The following UNC5C variants were observed in gnomAD, a reference collection of about 807,000 sequenced individuals.
The protein encoded by UNC5C is unc-5 netrin receptor C, also known as netrin receptor UNC5C.
UNC5C carries 47 observed loss-of-function variants against 99.8 expected under a neutral mutation model. The ratio of observed to expected loss-of-function variants is 0.47; its 90% CI spans 0.37 to 0.60. The LOEUF is 0.60. Among genes scored for constraint, UNC5C ranks in the 20% least tolerant of loss-of-function variants. The pLI is 0.00. For synonymous variants in UNC5C, 487 were observed against 452.2 expected, an observed-to-expected ratio of 1.08 and a Z score of -0.98; for missense variants, 1,062 against 1,165.9, an observed-to-expected ratio of 0.91 and a Z score of 1.30.
intron 3 of UNC5C, among the ~76,000 whole-genome samples, chr4:95,300,183 T>C (rs561459664): frequency 5.3e-5 from 8 of 152,340 alleles, no homozygotes; most frequent in Admixed American, 3.3e-4. Flanking sequence ...TTTCTCAATA[T>C]GAAACCTTGA....
chr4:95,291,161 A>G (rs1741429363), intron 3 of UNC5C, among the ~76,000 whole-genome samples: 1 of 152,224 alleles, frequency 6.6e-6, no homozygotes, highest in Non-Finnish European at 1.5e-5. Flanking sequence ...GAAAAGAGGA[A>G]GAAAAAAAAT....
chr4:95,213,514 T>G (rs921739866), intron 10 of UNC5C, among the ~76,000 whole-genome samples: 6 of 152,338 alleles, frequency 3.9e-5, no homozygotes, highest in African/African-American at 1.4e-4. Flanking sequence ...GCTGTTCAGC[T>G]GCCAGCCTGC....
chr4:95,303,299 C>A lies in UNC5C; in HGVS notation c.347-1550G>T, dbSNP rs529074122. 3.9e-5 allele frequency among the ~76,000 whole-genome samples: 6 copies of A among 152,260 alleles called. No individual in the cohort carries two copies. The East Asian group carries it at 1.2e-3, about 29-fold the overall frequency. On this transcript the variant is annotated intron_variant, in intron 2 of 15. Coordinates refer to ENST00000453304, the MANE Select transcript of UNC5C (RefSeq NM_003728.4). ...AATAGGAATCTCTGGAGGTGGGGTC[C>A]AGCAATCTGTGTTTTGACCAGCCTG...
At chr4:95,170,465 T>TAACA in intron 14 of UNC5C, 133 bp from the exon 15 acceptor site, 2 of 1,106,172 alleles carry the variant, frequency 1.8e-6, no homozygotes, top group Non-Finnish European at 2.6e-6. Flanking sequence ...TTAGGAAGAA[T>TAACA]GGCTTCTTCT....
rs1735989094 is a variant in UNC5C, at chr4:95,169,269, T to C, written c.2761A>G (p.Thr921Ala). 2 of 1,614,192 alleles carry C rather than the reference T, an allele frequency of 1.2e-6. No individual in the cohort carries two copies. Among genetic ancestry groups the C allele is most frequent in the African/African-American group, 2.7e-5 (2 of 75,044 alleles). The change falls in exon 16 of 16, where the codon ACG (threonine) becomes GCG (alanine). Residue 921 changes from threonine (T) to alanine (A), a missense_variant. Physicochemically the swap from Thr to Ala is moderately conservative, Grantham distance 58. Transcript: ENST00000453304. ...AVLEEMGRHE[T>A]VVSLAAEGQY ...CCTTCTGCTGCTAAGGACACCACCG[T>C]TTCATGTCTTCCCATTTCTTCCAAG... is the stretch of plus-strand genomic sequence containing the variant.
intron 1 of UNC5C, among the ~76,000 whole-genome samples, chr4:95,421,397 A>G (rs751016619): frequency 2.0e-5 from 3 of 152,316 alleles, no homozygotes; most frequent in Non-Finnish European, 2.9e-5. Flanking sequence ...CTATTTTTCA[A>G]CAAAATTGGA....
chr4:95,244,927 G>A, intron 6 of UNC5C, 50 bp downstream of exon 6: 1 of 1,603,394 alleles, frequency 6.2e-7, no homozygotes, highest in Non-Finnish European at 8.5e-7. Context: ...CTAAAAGCAT[G>A]TTTCTTGAAT....
intron 3 of UNC5C, among the ~76,000 whole-genome samples, chr4:95,281,598 A>G (rs1167505957): frequency 1.3e-5 from 2 of 152,210 alleles, no homozygotes; most frequent in African/African-American, 4.8e-5. Context: ...AAATAAATAT[A>G]TCATACCTTG....
At chr4:95,400,298 G>T (rs1342128448) in intron 1 of UNC5C, among the ~76,000 whole-genome samples, 6 of 151,802 alleles carry the variant, frequency 4.0e-5, no homozygotes, top group African/African-American at 1.5e-4. Flanking sequence ...GAAATGTCAA[G>T]GAGCCTGTGG....
chr4:95,207,235 A>G (rs930396597), intron 10 of UNC5C, among the ~76,000 whole-genome samples: 2 of 152,190 alleles, frequency 1.3e-5, no homozygotes, highest in African/African-American at 2.4e-5. Context: ...ATAGTTTTAA[A>G]AAATCATTTC....
rs1217103081 is a variant in UNC5C at position 95,219,998 on chromosome 4, C to T, written c.1287G>A (p.Lys429=). 1 of 1,613,652 alleles carries T rather than the reference C, an allele frequency of 6.2e-7. No individual in the cohort carries two copies. The highest frequency in any genetic ancestry group is 8.5e-7 in the Non-Finnish European group (1 of 1,179,712). ...ATGTCAACTGACCTTGTCTTGCTGC[C>T]TTGATGTTCACAGGCTGAAAGCCCC... is the stretch of plus-strand genomic sequence containing the variant. ...LNGGFQPVNI[K]AARQDLLAVP... is the part of the protein sequence containing the mutation. The change falls in exon 8 of 16, where the codon AAG becomes AAA. Residue 429 remains lysine, a synonymous_variant. Coordinates refer to ENST00000453304, the MANE Select transcript of UNC5C (RefSeq NM_003728.4).
chr4:95,320,957 C>T (rs748861265), intron 2 of UNC5C, among the ~76,000 whole-genome samples: 8 of 152,170 alleles, frequency 5.3e-5, no homozygotes, highest in Non-Finnish European at 8.8e-5. Flanking sequence ...ACTAAAAACT[C>T]TCACTGTATA....
intron 4 of UNC5C, among the ~76,000 whole-genome samples, chr4:95,270,955 G>A (rs570103612): frequency 6.6e-6 from 1 of 152,282 alleles, no homozygotes; most frequent in Non-Finnish European, 1.5e-5. Context: ...CTATAGCTAA[G>A]TCTGACCATC....
chr4:95,458,226 G>C (rs541321929), intron 1 of UNC5C, among the ~76,000 whole-genome samples: 1 of 152,094 alleles, frequency 6.6e-6, no homozygotes, highest in Non-Finnish European at 1.5e-5. Context: ...ATTGGAAAGA[G>C]TGAGTCTGTC....
At position 95,339,533 on chromosome 4, in the gene UNC5C, AT is replaced by A. The variant is rs1011318455; in HGVS notation, c.125-3903del. Reference sequence around the variant, plus strand: ...AAAACTTGGAGCTATAAAAAAATTGATTTTTTTTTCTTCAAGGACATCAGTG... The same window carrying A: ...AAAACTTGGAGCTATAAAAAAATTGATTTTTTTTCTTCAAGGACATCAGTG... On this transcript the variant is annotated intron_variant, in intron 1 of 15. Transcript: ENST00000453304. Among the ~76,000 whole-genome samples, 549 of 151,594 alleles carry A rather than the reference AT, an allele frequency of 3.6e-3. 1 individual carries two copies. Among genetic ancestry groups the A allele is most frequent in the Non-Finnish European group, 5.6e-3 (382 of 67,842 alleles).
At chr4:95,525,064 T>C (rs1578209087) in intron 1 of UNC5C, among the ~76,000 whole-genome samples, 1 of 152,062 alleles carries the variant, frequency 6.6e-6, no homozygotes. Flanking sequence ...TCCCTCCAAA[T>C]GCTCCTGTCA....
chr4:95,190,569 C>T (rs531864724), intron 12 of UNC5C, among the ~76,000 whole-genome samples: 1 of 152,282 alleles, frequency 6.6e-6, no homozygotes, highest in Admixed American at 6.5e-5. Flanking sequence ...CTTCCCACTT[C>T]AGCTTCCCAA....
Position 95,522,596 on chromosome 4 carries a change from A to G in UNC5C, c.124+26138T>C, listed in dbSNP as rs1311911165. On this transcript the variant is annotated intron_variant, in intron 1 of 15. Coordinates refer to ENST00000453304, the MANE Select transcript of UNC5C (RefSeq NM_003728.4). ...CTTAAAAAAATCAATGGTGAAAAGA[A>G]AGTATCCTGACTTTTTAATTAGTCT... is the stretch of plus-strand genomic sequence containing the variant. Among the ~76,000 whole-genome samples the G allele has an allele frequency of 3.9e-5, 6 of 152,308 alleles. No homozygotes were observed. The South Asian group carries it at 6.2e-4, about 16-fold the overall frequency.
chr4:95,189,485 A>G (rs148745961), intron 12 of UNC5C, among the ~76,000 whole-genome samples: 1,798 of 152,300 alleles, frequency 0.012, 25 homozygotes, highest in Admixed American at 0.021. Context: ...GCCAAAATTG[A>G]CAATGGGATC....
Sources: allele counts gnomAD v4.1 joint callset (sites outside exome capture counted in the v4.1 genomes callset), GRCh38; gene constraint gnomAD v4.1.1; transcripts MANE v1.5; gene names NCBI Gene and HGNC (gene_info 2026-07-23, HGNC 2026-07-21).